PLA2G4C: variants seen among roughly 807,000 people sequenced by gnomAD.
PLA2G4C encodes the protein cytosolic phospholipase A2 gamma.
A neutral mutation model predicts 73.8 loss-of-function variants in PLA2G4C; 64 were observed. The observed-to-expected ratio is 0.87, with a 90% CI of 0.71 to 1.07. The LOEUF (loss-of-function observed/expected upper bound fraction) is 1.07. PLA2G4C is among the 50% of genes least tolerant of loss of function. PLA2G4C has a pLI of 0.00. For missense variants in PLA2G4C, 622 were observed against 665.4 expected (o/e 0.93, Z 0.72); for synonymous variants, 254 against 252.1 (o/e 1.01, Z -0.07).
intron 12 of PLA2G4C, among the ~76,000 whole-genome samples, chr19:48,068,114 C>T (rs1409886271): frequency 6.6e-6 from 1 of 152,062 alleles, no homozygotes; most frequent in Non-Finnish European, 1.5e-5. Context: ...CCATCCTGGC[C>T]AACATGGTGA....
intron 10 of PLA2G4C, among the ~76,000 whole-genome samples, chr19:48,082,078 CA>C (rs1334904893): frequency 6.6e-6 from 1 of 151,946 alleles, no homozygotes; most frequent in Non-Finnish European, 1.5e-5. Flanking sequence ...GAGACTGTCA[CA>C]AAAAACAAAA....
intron 5 of PLA2G4C, 24 bp downstream of exon 5, chr19:48,099,647 G>C (rs750901488): frequency 1.9e-6 from 3 of 1,591,500 alleles, no homozygotes; most frequent in Non-Finnish European, 1.7e-6. Flanking sequence ...CCCCACCCCA[G>C]GTCCCCAGCT....
intron 4 of PLA2G4C, among the ~76,000 whole-genome samples, chr19:48,101,708 CTT>C (rs1412825836): frequency 4.7e-5 from 6 of 127,972 alleles, no homozygotes; most frequent in Non-Finnish European, 9.6e-5. Context: ...GAGTTTCACT[CTT>C]GTCACCCAGG....
intron 12 of PLA2G4C, 62 bp from the exon 13 acceptor site, chr19:48,067,948 C>T: frequency 8.6e-7 from 1 of 1,161,398 alleles, no homozygotes; most frequent in Non-Finnish European, 1.3e-6. Context: ...TCTGCCCCCA[C>T]CAAAGTCATA....
At chr19:48,090,025 C>A (rs964910900) in intron 8 of PLA2G4C, among the ~76,000 whole-genome samples, 1 of 152,178 alleles carries the variant, frequency 6.6e-6, no homozygotes, top group Non-Finnish European at 1.5e-5. Context: ...CACTGTCCTA[C>A]AAGCTTTCAA....
intron 14 of PLA2G4C, among the ~76,000 whole-genome samples, chr19:48,060,499 T>C (rs930921996): frequency 1.3e-5 from 2 of 152,132 alleles, no homozygotes; most frequent in Admixed American, 6.6e-5. Flanking sequence ...ATAAGCATTG[T>C]TGTTAATCCA....
intron 13 of PLA2G4C, among the ~76,000 whole-genome samples, chr19:48,065,128 C>A (rs931682305): frequency 1.3e-5 from 2 of 151,996 alleles, no homozygotes; most frequent in African/African-American, 4.8e-5. Flanking sequence ...GAACATGTGG[C>A]CTAGGTGGTT....
At chr19:48,109,658 AT>A (rs113371242) in intron 1 of PLA2G4C, among the ~76,000 whole-genome samples, 2 of 147,572 alleles carry the variant, frequency 1.4e-5, no homozygotes, top group Non-Finnish European at 3.0e-5. Context: ...ATTTTATTTT[AT>A]TTTTTTTTGA....
At chr19:48,086,067 G>A (rs2030956574) in intron 9 of PLA2G4C, among the ~76,000 whole-genome samples, 1 of 152,206 alleles carries the variant, frequency 6.6e-6, no homozygotes, top group Admixed American at 6.5e-5. Flanking sequence ...ACTGTGGGTG[G>A]AGGTGAACTT....
chr19:48,100,993 T>C (rs1006729950), intron 4 of PLA2G4C, among the ~76,000 whole-genome samples: 3 of 148,254 alleles, frequency 2.0e-5, no homozygotes, highest in African/African-American at 7.4e-5. Context: ...TATTAATTTA[T>C]AAAGAAAAGA....
chr19:48,104,682 C>T lies in PLA2G4C; in HGVS notation c.163G>A (p.Ala55Thr), dbSNP rs2032078420. 6.2e-7 allele frequency: 1 copy of T among 1,613,946 alleles called. No individual in the cohort carries two copies. Among genetic ancestry groups the T allele is most frequent in the South Asian group, 1.1e-5 (1 of 91,082 alleles). The stretch of plus-strand genomic sequence containing the variant: ...AGGACCCCAAGGCAGGCAATGTGAG[C>T]CCGCAGTCCTCCGCCTGAGCCCAGC... Reference protein sequence around the residue: ...AVLGSGGGLRAHIACLGVLSE... With the variant: ...AVLGSGGGLRTHIACLGVLSE... The change falls in exon 4 of 17, where the codon GCT becomes ACT. Residue 55 changes from alanine (A) to threonine (T), a missense_variant. Ala to Thr is a moderately conservative substitution (Grantham distance 58). Transcript: ENST00000599921.
intron 10 of PLA2G4C, among the ~76,000 whole-genome samples, chr19:48,079,501 C>T (rs1413723854): frequency 6.6e-6 from 1 of 152,140 alleles, no homozygotes; most frequent in Non-Finnish European, 1.5e-5. Context: ...CCTTATTTCT[C>T]ACCTTATACA....
chr19:48,100,024 C>T lies in PLA2G4C; in HGVS notation c.258-164G>A, dbSNP rs74748825. On this transcript the variant is annotated intron_variant, in intron 4 of 16. Coordinates refer to ENST00000599921, the MANE Select transcript of PLA2G4C (RefSeq NM_003706.3). ...CCATTAAATAAATACAACTGCAGAA[C>T]GATCAAGTTCGAAGGAGGACTCAAA... 1.7e-3 allele frequency: 857 copies of T among 512,604 alleles called. 7 individuals carry two copies. Among genetic ancestry groups the T allele is most frequent in the African/African-American group, 0.015 (766 of 51,200 alleles). 31.8% of individuals were successfully genotyped at this position (512,604 alleles called of 1,614,324 possible).
intron 11 of PLA2G4C, among the ~76,000 whole-genome samples, chr19:48,076,441 C>T (rs1284279596): frequency 6.6e-6 from 1 of 152,102 alleles, no homozygotes; most frequent in Non-Finnish European, 1.5e-5. Flanking sequence ...AGAGGAGAAG[C>T]AACGAGATGC....
At chr19:48,105,493 G>A (rs530711181) in intron 2 of PLA2G4C, 49 bp from the exon 3 acceptor site, 52 of 1,426,138 alleles carry the variant, frequency 3.6e-5, no homozygotes, top group South Asian at 3.6e-4. Context: ...CAGGGAAAAG[G>A]GATAAAACAC....
chr19:48,088,253 A>G (rs1235002806), intron 9 of PLA2G4C, among the ~76,000 whole-genome samples: 1 of 152,198 alleles, frequency 6.6e-6, no homozygotes, highest in Non-Finnish European at 1.5e-5. Context: ...TGAGAAAGCC[A>G]TCACACGAAG....
chr19:48,094,491 A>G (rs10425636), intron 7 of PLA2G4C, among the ~76,000 whole-genome samples: 10,700 of 152,128 alleles, frequency 0.07, 839 homozygotes, highest in East Asian at 0.24. Flanking sequence ...CATGTGCTGG[A>G]CACTGGGCTG....
chr19:48,054,812 T>C, intron 15 of PLA2G4C, 66 bp downstream of exon 15: 2 of 1,420,652 alleles, frequency 1.4e-6, no homozygotes, highest in Admixed American at 1.7e-5. Flanking sequence ...TCAGGTATGT[T>C]TTTATTAGCA....
chr19:48,084,920 T>G (rs1039341532), intron 10 of PLA2G4C, 139 bp downstream of exon 10: 8 of 659,942 alleles, frequency 1.2e-5, no homozygotes, highest in Non-Finnish European at 1.9e-5. Flanking sequence ...GTTCAGTGTA[T>G]GAGAATAAAT....
Sources: allele counts gnomAD v4.1 joint callset (sites outside exome capture counted in the v4.1 genomes callset), GRCh38; gene constraint gnomAD v4.1.1; transcripts MANE v1.5; gene names NCBI Gene and HGNC (gene_info 2026-07-23, HGNC 2026-07-21).